TLK1: variants seen among roughly 807,000 people sequenced by gnomAD.
TLK1 encodes serine/threonine-protein kinase tousled-like 1.
Under a neutral mutation model 105.3 loss-of-function variants are expected in TLK1, and 24 were observed. The observed-to-expected ratio is 0.23, with a 90% CI of 0.17 to 0.32. The LOEUF (loss-of-function observed/expected upper bound fraction) is 0.32. TLK1 is among the 10% of genes least tolerant of loss of function. TLK1 has a pLI of 1.00. For missense variants in TLK1, 558 were observed against 910.5 expected, an observed-to-expected ratio of 0.61 and a Z score of 4.98; for synonymous variants, 321 against 310.4, an observed-to-expected ratio of 1.03 and a Z score of -0.36.
chr2:171,159,074 C>T (rs890176899), intron 1 of TLK1, among the ~76,000 whole-genome samples: 1 of 152,230 alleles, frequency 6.6e-6, no homozygotes, highest in Admixed American at 6.5e-5. Flanking sequence ...TTGATTAACA[C>T]TTGTCAAGGC....
At chr2:171,146,974 T>C (rs111276229) in intron 1 of TLK1, among the ~76,000 whole-genome samples, 6 of 152,302 alleles carry the variant, frequency 3.9e-5, no homozygotes, top group African/African-American at 1.4e-4. Flanking sequence ...AATAAATCTG[T>C]TTTGCTTAAG....
intron 18 of TLK1, among the ~76,000 whole-genome samples, chr2:171,003,988 T>G (rs527605465): frequency 6.6e-6 from 1 of 152,232 alleles, no homozygotes; most frequent in African/African-American, 2.4e-5. Context: ...GGAGTCTTGC[T>G]CTGTCGCCCA....
intron 2 of TLK1, among the ~76,000 whole-genome samples, chr2:171,085,970 G>A (rs1314250827): frequency 6.6e-6 from 1 of 152,140 alleles, no homozygotes; most frequent in Non-Finnish European, 1.5e-5. Context: ...ATGTTATTTT[G>A]AGACAGCTAT....
intron 11 of TLK1, among the ~76,000 whole-genome samples, chr2:171,036,182 C>T (rs1053553196): frequency 8.5e-5 from 13 of 152,150 alleles, no homozygotes; most frequent in East Asian, 1.9e-4. Context: ...CAGTGGCTCA[C>T]GCCTGCAATC....
intron 11 of TLK1, among the ~76,000 whole-genome samples, chr2:171,036,326 AC>A: frequency 6.6e-6 from 1 of 152,194 alleles, no homozygotes; most frequent in Middle Eastern, 3.4e-3. Flanking sequence ...GCACCTGTAA[AC>A]CCCAGCTATT....
At chr2:171,066,920 A>G in intron 3 of TLK1, 1 of 1,548,116 alleles carries the variant, frequency 6.5e-7, no homozygotes, top group Non-Finnish European at 8.7e-7. Context: ...TTGGGAAGTA[A>G]CACTTTCAGA....
intron 10 of TLK1, among the ~76,000 whole-genome samples, chr2:171,047,021 AT>A (rs994851106): frequency 1.3e-4 from 20 of 152,138 alleles, no homozygotes; most frequent in African/African-American, 3.9e-4. Context: ...TATGAGAAAA[AT>A]TTTTTTGATA....
chr2:171,124,704 C>T (rs1462672159), intron 1 of TLK1, among the ~76,000 whole-genome samples: 6 of 152,186 alleles, frequency 3.9e-5, no homozygotes, highest in African/African-American at 7.2e-5. Context: ...TCCAACTAAG[C>T]CTTTTGCTGC....
chr2:171,008,927 A>T (rs1347076486), intron 14 of TLK1, among the ~76,000 whole-genome samples: 1 of 152,214 alleles, frequency 6.6e-6, no homozygotes, highest in Non-Finnish European at 1.5e-5. Flanking sequence ...CATAAGCTCA[A>T]CAACTTTTAG....
chr2:171,190,789 T>G (rs1271653127), intron 1 of TLK1, among the ~76,000 whole-genome samples: 2 of 152,238 alleles, frequency 1.3e-5, no homozygotes, highest in South Asian at 2.1e-4. Context: ...TTTGTGATTT[T>G]TAATGGTATT....
At chr2:171,169,971 G>A (rs999007722) in intron 1 of TLK1, among the ~76,000 whole-genome samples, 6 of 152,020 alleles carry the variant, frequency 3.9e-5, no homozygotes, top group African/African-American at 1.4e-4. Flanking sequence ...TAGAAAATAA[G>A]AGCAAACAAA....
chr2:171,081,591 T>C, intron 3 of TLK1: 1 of 1,240,742 alleles, frequency 8.1e-7, no homozygotes, highest in Non-Finnish European at 1.1e-6. Context: ...TGTTAATTTT[T>C]TAAAAACTAA....
intron 2 of TLK1, among the ~76,000 whole-genome samples, chr2:171,095,417 T>C (rs963083287): frequency 6.6e-6 from 1 of 151,862 alleles, no homozygotes; most frequent in African/African-American, 2.4e-5. Context: ...ATTACTACAA[T>C]CAGAAATGAA....
intron 3 of TLK1, chr2:171,066,824 C>T (rs1484080410): frequency 1.3e-6 from 2 of 1,549,902 alleles, no homozygotes; most frequent in Admixed American, 3.9e-5. Context: ...GTTGAACTTT[C>T]TCCCCTACTC....
At chr2:171,020,141 T>C (rs1224792280) in intron 12 of TLK1, among the ~76,000 whole-genome samples, 1 of 151,834 alleles carries the variant, frequency 6.6e-6, no homozygotes, top group African/African-American at 2.4e-5. Context: ...TTAACATCTC[T>C]AAGTCCTAAA....
chr2:171,027,941 T>C (rs1685854623), intron 12 of TLK1, among the ~76,000 whole-genome samples: 1 of 152,158 alleles, frequency 6.6e-6, no homozygotes, highest in Non-Finnish European at 1.5e-5. Flanking sequence ...GGTGGGTGGA[T>C]CACACGAAGC....
intron 6 of TLK1, among the ~76,000 whole-genome samples, chr2:171,055,654 T>C (rs369859983): frequency 1.3e-5 from 2 of 152,072 alleles, no homozygotes; most frequent in Non-Finnish European, 2.9e-5. Flanking sequence ...GATTATAACA[T>C]TGTATCAGCG....
intron 12 of TLK1, among the ~76,000 whole-genome samples, chr2:171,016,288 T>G (rs1452665649): frequency 1.3e-5 from 2 of 151,554 alleles, no homozygotes; most frequent in East Asian, 2.0e-4. Flanking sequence ...ACTACAGGCA[T>G]GCGCCACCAC....
intron 1 of TLK1, among the ~76,000 whole-genome samples, chr2:171,121,231 C>G (rs1690640099): frequency 6.6e-6 from 1 of 151,904 alleles, no homozygotes; most frequent in African/African-American, 2.4e-5. Context: ...TATATTTTGC[C>G]ACAATTTAAA....
Sources: gnomAD v4.1 joint callset for allele counts (sites outside exome capture counted in the v4.1 genomes callset) on GRCh38, gnomAD v4.1.1 for gene constraint, MANE v1.5 for transcripts, NCBI Gene and HGNC (gene_info 2026-07-23, HGNC 2026-07-21) for gene names.